Variants in TTC29 observed in about 807,000 individuals in gnomAD.
TTC29 encodes the protein tetratricopeptide repeat domain 29.
TTC29 carries 49 observed loss-of-function variants against 58.1 expected under a neutral mutation model. That is an observed-to-expected ratio of 0.84 (90% CI 0.67 to 1.07). TTC29 has a LOEUF of 1.07. Among genes scored for constraint, TTC29 ranks in the 50% least tolerant of loss-of-function variants. The pLI is 0.00. For missense variants in TTC29, 582 were observed against 555.6 expected (o/e 1.05, Z -0.48); for synonymous variants, 209 against 196.8 (o/e 1.06, Z -0.52).
intron 11 of TTC29, among the ~76,000 whole-genome samples, chr4:146,785,691 T>C (rs1400292304): frequency 6.6e-6 from 1 of 152,198 alleles, no homozygotes; most frequent in Non-Finnish European, 1.5e-5. Flanking sequence ...GTTGTAATTC[T>C]GCAAATCCCT....
intron 6 of TTC29, among the ~76,000 whole-genome samples, chr4:146,876,505 G>T (rs1731265646): frequency 6.6e-6 from 1 of 152,108 alleles, no homozygotes; most frequent in Admixed American, 6.6e-5. Context: ...CATGACTATT[G>T]CATATAATTT....
intron 10 of TTC29, among the ~76,000 whole-genome samples, chr4:146,819,544 G>A (rs920864168): frequency 1.2e-4 from 19 of 152,192 alleles, no homozygotes; most frequent in Non-Finnish European, 2.8e-4. Flanking sequence ...AGTCCATTGT[G>A]ACCAGTACAT....
At chr4:146,730,063 GTTATC>G (rs1744213785) in intron 11 of TTC29, among the ~76,000 whole-genome samples, 1 of 151,992 alleles carries the variant, frequency 6.6e-6, no homozygotes, top group African/African-American at 2.4e-5. Context: ...ATCTTACCAA[GTTATC>G]TTATTTTTAT....
chr4:146,806,313 A>C (rs1750612487), intron 10 of TTC29, among the ~76,000 whole-genome samples: 1 of 152,234 alleles, frequency 6.6e-6, no homozygotes, highest in East Asian at 1.9e-4. Context: ...ACTATGAAGA[A>C]ACTGCATCAA....
intron 11 of TTC29, among the ~76,000 whole-genome samples, chr4:146,771,726 A>T (rs1747743222): frequency 6.6e-6 from 1 of 152,086 alleles, no homozygotes; most frequent in Admixed American, 6.6e-5. Context: ...GAACATATGT[A>T]TGCATGTGTC....
At chr4:146,872,424 A>G (rs1451536788) in intron 7 of TTC29, among the ~76,000 whole-genome samples, 5 of 152,094 alleles carry the variant, frequency 3.3e-5, no homozygotes, top group Admixed American at 6.6e-5. Flanking sequence ...TTGTGCTTCA[A>G]TGAATACCAT....
chr4:146,732,686 T>C (rs183430215), intron 11 of TTC29, among the ~76,000 whole-genome samples: 131 of 152,218 alleles, frequency 8.6e-4, no homozygotes, highest in African/African-American at 3.0e-3. Context: ...AGGATCATCA[T>C]GTAGATATTG....
At chr4:146,860,677 A>G (rs1013688816) in intron 8 of TTC29, among the ~76,000 whole-genome samples, 15 of 152,306 alleles carry the variant, frequency 9.8e-5, no homozygotes, top group Middle Eastern at 3.4e-3. Flanking sequence ...ATAATTGAAA[A>G]CTTACAAATT....
chr4:146,708,316 A>ATATATATATATACATGTAAGTGTGTG (rs1371423847), intron 11 of TTC29, among the ~76,000 whole-genome samples: 1 of 25,824 alleles, frequency 3.9e-5, no homozygotes, highest in African/African-American at 7.6e-5. Context: ...GTTTATATAT[A>ATATATATATATACATGTAAGTGTGTG]TATATATATA....
intron 10 of TTC29, among the ~76,000 whole-genome samples, chr4:146,813,890 A>G (rs1337247719): frequency 1.3e-5 from 2 of 152,322 alleles, no homozygotes; most frequent in Non-Finnish European, 2.9e-5. Context: ...AGGCTGAGGC[A>G]GGAGAATCAC....
rs1369369096 is a variant in TTC29 at position 146,912,555 on chromosome 4, G to A, written c.177-3306C>T. Among the ~76,000 whole-genome samples the A allele has an allele frequency of 3.3e-5, 5 of 152,116 alleles. No individual in the cohort carries two copies. In the South Asian group the frequency reaches 8.3e-4, roughly 25 times the overall value. ...ATCTTGAACAACCTGAGAAACTGCC[G>A]AATTGGACTGACTTTACCTGAGAGT... On this transcript the variant is annotated intron_variant, in intron 4 of 12. Coordinates refer to ENST00000325106, the MANE Select transcript of TTC29 (RefSeq NM_031956.4).
intron 11 of TTC29, among the ~76,000 whole-genome samples, chr4:146,724,017 T>C (rs1743575962): frequency 1.3e-5 from 2 of 152,154 alleles, no homozygotes; most frequent in Admixed American, 6.5e-5. Flanking sequence ...AAGGCACACA[T>C]ATACACCATG....
At chr4:146,881,093 C>T (rs1366186025) in intron 6 of TTC29, among the ~76,000 whole-genome samples, 2 of 152,122 alleles carry the variant, frequency 1.3e-5, no homozygotes, top group Admixed American at 6.6e-5. Flanking sequence ...CCAGATCTGA[C>T]ATTAATTAGA....
intron 4 of TTC29, among the ~76,000 whole-genome samples, chr4:146,930,083 G>GTATATATATATATA (rs1560729760): frequency 4.0e-5 from 1 of 25,114 alleles, no homozygotes; most frequent in Non-Finnish European, 7.9e-5. Flanking sequence ...ATGTGTGTGT[G>GTATATATATATATA]CATATATATA....
At chr4:146,764,676 T>A (rs1747157231) in intron 11 of TTC29, among the ~76,000 whole-genome samples, 1 of 152,108 alleles carries the variant, frequency 6.6e-6, no homozygotes, top group Non-Finnish European at 1.5e-5. Context: ...TTTCATCGCT[T>A]GTACTTGACG....
At chr4:146,899,634 C>T (rs1367675422) in intron 6 of TTC29, among the ~76,000 whole-genome samples, 1 of 152,154 alleles carries the variant, frequency 6.6e-6, no homozygotes, top group Non-Finnish European at 1.5e-5. Context: ...AACCTATCTA[C>T]TGTTTGTGAC....
intron 11 of TTC29, among the ~76,000 whole-genome samples, chr4:146,735,578 G>C (rs1008444391): frequency 6.6e-6 from 1 of 152,084 alleles, no homozygotes; most frequent in African/African-American, 2.4e-5. Context: ...CTAAGAAGGG[G>C]GACTGTTCAA....
chr4:146,817,601 T>A (rs1317271591), intron 10 of TTC29, among the ~76,000 whole-genome samples: 2 of 152,066 alleles, frequency 1.3e-5, no homozygotes, highest in African/African-American at 4.8e-5. Context: ...TCATATGGAA[T>A]CAAAACAGAG....
chr4:146,921,337 A>G (rs1734565850), intron 4 of TTC29, among the ~76,000 whole-genome samples: 1 of 151,438 alleles, frequency 6.6e-6, no homozygotes, highest in African/African-American at 2.4e-5. Flanking sequence ...AGTACATACA[A>G]AAGTATATCA....
Sources: gnomAD v4.1 joint callset for allele counts (sites outside exome capture counted in the v4.1 genomes callset) on GRCh38, gnomAD v4.1.1 for gene constraint, MANE v1.5 for transcripts, NCBI Gene and HGNC (gene_info 2026-07-23, HGNC 2026-07-21) for gene names.